The following DNMT1 variants were observed in gnomAD, a reference collection of about 807,000 sequenced individuals.
DNMT1 encodes the protein DNA (cytosine-5)-methyltransferase 1.
A neutral mutation model predicts 205.3 loss-of-function variants in DNMT1; 24 were observed. The observed-to-expected ratio is 0.12, with a 90% CI of 0.08 to 0.16. DNMT1 has a LOEUF of 0.16. DNMT1 is among the 10% of genes least tolerant of loss of function. The probability of loss-of-function intolerance (pLI) is 1.00; values close to 1 mark genes in which losing one functional copy is unlikely to be tolerated. For missense variants in DNMT1, 1,293 were observed against 2,177.7 expected, an observed-to-expected ratio of 0.59 and a Z score of 8.09; for synonymous variants, 817 against 839.8, an observed-to-expected ratio of 0.97 and a Z score of 0.47.
At chr19:10,149,359 TAA>T in intron 26 of DNMT1, 92 bp downstream of exon 26, 3 of 1,415,422 alleles carry the variant, frequency 2.1e-6, no homozygotes, top group Non-Finnish European at 2.9e-6. Context: ...AAAACCAAAT[TAA>T]AAAAAAATAC....
intron 9 of DNMT1, among the ~76,000 whole-genome samples, chr19:10,169,386 C>CAAAAAA (rs61170762): frequency 1.2e-5 from 1 of 80,944 alleles, no homozygotes. Context: ...ACTAAAAATA[C>CAAAAAA]AAAAAAAAAA....
In DNMT1 at chr19:10,138,528, C is replaced by T; in HGVS notation, c.4026G>A (p.Leu1342=). The change falls in exon 35 of 41, where the codon CTG becomes CTA. Residue 1342 remains leucine, a synonymous_variant. Transcript: ENST00000359526. The surrounding 1 kb of genome is among the most constrained non-coding windows in gnomAD (Gnocchi z 4.1). ...LAAAPGEKLP[L]FPEPLHVFAP... ...CAAACACGTGCAGTGGCTCCGGGAA[C>T]AGAGGGAGCTTCTCTCCAGGGGCCG... 3 of 1,612,964 alleles carry T rather than the reference C, an allele frequency of 1.9e-6. No homozygotes were observed. The highest frequency in any genetic ancestry group is 2.2e-5 in the East Asian group (1 of 44,882).
chr19:10,153,317 G>A (rs754172603), intron 22 of DNMT1, among the ~76,000 whole-genome samples: 3 of 152,052 alleles, frequency 2.0e-5, no homozygotes, highest in Admixed American at 6.6e-5. Context: ...GTATCAACAC[G>A]TAACAGTTAC....
intron 17 of DNMT1, among the ~76,000 whole-genome samples, chr19:10,158,584 G>A (rs2038503535): frequency 6.6e-6 from 1 of 152,218 alleles, no homozygotes; most frequent in South Asian, 2.1e-4. Context: ...AACTGCACCC[G>A]CAGGGAGAGG....
At chr19:10,149,048 G>A (rs1318073532) in intron 26 of DNMT1, 31 bp from the exon 27 acceptor site, 6 of 1,612,822 alleles carry the variant, frequency 3.7e-6, no homozygotes, top group Non-Finnish European at 3.4e-6. Flanking sequence ...GTCAGGCCAG[G>A]CGCAGTGGCT....
At position 10,135,716 on chromosome 19, in the gene DNMT1, G is replaced by A. The variant is rs755050390; in HGVS notation, c.4773+20C>T. The A allele has an allele frequency of 3.7e-5, 60 of 1,603,358 alleles. No homozygotes were observed. The highest frequency in any genetic ancestry group is 4.9e-5 in the Non-Finnish European group (58 of 1,177,334). On this transcript the variant is annotated intron_variant, in intron 39 of 40. Transcript: ENST00000359526. ...GAAGCCTCCTTCCTGTCCAGACCCA[G>A]CGGGCGCCGCCCCACTGACCTGCCG...
At chr19:10,147,882 A>G (rs1400857588) in intron 27 of DNMT1, among the ~76,000 whole-genome samples, 5 of 151,330 alleles carry the variant, frequency 3.3e-5, no homozygotes, top group East Asian at 4.0e-4. Context: ...GGGAAGCCGA[A>G]GCGGGTAGAT....
At position 10,138,380 on chromosome 19, in the gene DNMT1, C is replaced by T. The variant is rs2089534231; in HGVS notation, c.4115+59G>A. 1.2e-6 allele frequency: 2 copies of T among 1,610,422 alleles called. No individual in the cohort carries two copies. Among genetic ancestry groups the T allele is most frequent in the African/African-American group, 1.3e-5 (1 of 74,920 alleles). ...AGCCTCACCAGGGAGTACTCACGGG[C>T]CCCATGAGCTACTGAGGCCTGCTCG... On this transcript the variant is annotated intron_variant, in intron 35 of 40. Transcript: ENST00000359526. The surrounding 1 kb of genome is among the most constrained non-coding windows in gnomAD (Gnocchi z 4.1).
chr19:10,185,253 G>A (rs1384008496), intron 1 of DNMT1, among the ~76,000 whole-genome samples: 2 of 151,736 alleles, frequency 1.3e-5, no homozygotes, highest in Admixed American at 6.6e-5. Context: ...GTGAAACCCC[G>A]CCTCTACTAA....
Position 10,155,033 on chromosome 19 carries a change from C to T in DNMT1, c.1516G>A (p.Asp506Asn). Residue 506 changes from aspartate (D) to asparagine (N), a missense_variant, in exon 20 of 41, where the codon GAT becomes AAT. Coordinates refer to ENST00000359526, the MANE Select transcript of DNMT1 (RefSeq NM_001130823.3). ...STSFAEYILMDPSPEYAPIFG... is the reference protein window; with the variant it reads ...STSFAEYILMNPSPEYAPIFG... ...ATGGGCGCATACTCGGGACTGGGATCCATCAGAATGTATTCGGCAAATGCT... is the reference window on the plus strand; with the variant it reads ...ATGGGCGCATACTCGGGACTGGGATTCATCAGAATGTATTCGGCAAATGCT... 6.2e-7 allele frequency: 1 copy of T among 1,614,144 alleles called. No homozygotes were observed. The highest frequency in any genetic ancestry group is 8.5e-7 in the Non-Finnish European group (1 of 1,180,030).
At chr19:10,193,433 C>G (rs543793649) in intron 1 of DNMT1, among the ~76,000 whole-genome samples, 1 of 152,020 alleles carries the variant, frequency 6.6e-6, no homozygotes, top group African/African-American at 2.4e-5. Context: ...GATCTCAGCT[C>G]GCTACACACA....
intron 1 of DNMT1, among the ~76,000 whole-genome samples, chr19:10,185,843 GAAA>G (rs57377594): frequency 1.4e-5 from 1 of 70,724 alleles, no homozygotes. Context: ...TGTCTCAAAA[GAAA>G]AAAAAAAAAA....
chr19:10,175,080 T>TACAC (rs1346211425), intron 7 of DNMT1, among the ~76,000 whole-genome samples: 4 of 90,626 alleles, frequency 4.4e-5, no homozygotes, highest in Admixed American at 1.3e-4. Context: ...AATACATACA[T>TACAC]ACATACACAC....
At chr19:10,162,226 C>T (rs2038583961) in intron 13 of DNMT1, among the ~76,000 whole-genome samples, 1 of 151,700 alleles carries the variant, frequency 6.6e-6, no homozygotes, top group African/African-American at 2.4e-5. Flanking sequence ...GCAATCTCCG[C>T]CTCCTGGGTT....
At chr19:10,181,506 T>G (rs898410242) in intron 2 of DNMT1, among the ~76,000 whole-genome samples, 1 of 143,848 alleles carries the variant, frequency 7.0e-6, no homozygotes, top group South Asian at 2.2e-4. Flanking sequence ...CAATCCAGAG[T>G]AGATTGTTTA....
chr19:10,159,567 T>TA lies in DNMT1; in HGVS notation c.1280+90dup, dbSNP rs1252173316. 3 of 1,339,594 alleles carry TA rather than the reference T, an allele frequency of 2.2e-6. No individual in the cohort carries two copies. Among genetic ancestry groups the TA allele is most frequent in the Non-Finnish European group, 3.2e-6 (3 of 944,798 alleles). The allele number at this position is 1,339,594 out of a possible 1,614,324, so 83.0% of individuals were successfully genotyped here. ...TTAAGACATGTTGCAGGTCAGGCACTAAAAAACATCACCAGAATCGTGAGC... is the reference window on the plus strand; with the variant it reads ...TTAAGACATGTTGCAGGTCAGGCACTAAAAAAACATCACCAGAATCGTGAGC... On this transcript the variant is annotated intron_variant, in intron 17 of 40. Coordinates refer to ENST00000359526, the MANE Select transcript of DNMT1 (RefSeq NM_001130823.3). This position sits in a 1 kb window ranked among gnomAD's most constrained non-coding sequence, Gnocchi z 5.0.
In DNMT1 at chr19:10,156,640, C is replaced by T. The variant is rs2038463039; in HGVS notation, c.1281-131G>A. 1.4e-6 allele frequency: 1 copy of T among 709,602 alleles called. No homozygotes were observed. The highest frequency in any genetic ancestry group is 2.5e-6 in the Non-Finnish European group (1 of 398,218). 44.0% of individuals were successfully genotyped at this position (709,602 alleles called of 1,614,324 possible). On this transcript the variant is annotated intron_variant, in intron 17 of 40. Coordinates refer to ENST00000359526, the MANE Select transcript of DNMT1 (RefSeq NM_001130823.3). This position sits in a 1 kb window ranked among gnomAD's most constrained non-coding sequence, Gnocchi z 4.2. ...ACTCTTTTTTTGTTTGTTTTTGAGA[C>T]AGAGTCTTGCTCTATCCCTCAGGCT...
rs762862182 is a variant in DNMT1 at position 10,142,143 on chromosome 19, G to A, written c.3194C>T (p.Ala1065Val). 2.5e-6 allele frequency: 4 copies of A among 1,614,006 alleles called. No individual in the cohort carries two copies. Among genetic ancestry groups the A allele is most frequent in the Non-Finnish European group, 2.5e-6 (3 of 1,180,022 alleles). ...INLLYWSDEEAVVDFKAVQGR... is the reference protein window; with the variant it reads ...INLLYWSDEEVVVDFKAVQGR... ...CTGCACAGCCTTGAAGTCCACCACG[G>A]CCTCCTCGTCGCTCCAGTAGAGCAG... The change falls in exon 30 of 41, where the codon GCC becomes GTC. Residue 1065 changes from alanine to valine, a missense_variant. Physicochemically the swap from Ala to Val is moderately conservative, Grantham distance 64 (BLOSUM62 0). Coordinates refer to ENST00000359526, the MANE Select transcript of DNMT1 (RefSeq NM_001130823.3).
At chr19:10,167,624 C>G (rs2038723792) in intron 10 of DNMT1, among the ~76,000 whole-genome samples, 1 of 152,172 alleles carries the variant, frequency 6.6e-6, no homozygotes, top group East Asian at 1.9e-4. Flanking sequence ...CCCAGCCATC[C>G]CCACTAAGCC....
Sources: gnomAD v4.1 joint callset for allele counts (sites outside exome capture counted in the v4.1 genomes callset) on GRCh38, gnomAD v4.1.1 for gene constraint, Gnocchi (gnomAD v3.1) non-coding constraint, MANE v1.5 for transcripts, NCBI Gene and HGNC (gene_info 2026-07-23, HGNC 2026-07-21) for gene names.